RNF150: variants seen among roughly 807,000 people sequenced by gnomAD.
RNF150 encodes the protein ring finger protein 150.
In RNF150, 24 loss-of-function variants were observed where a neutral mutation model predicts 39.3. The observed-to-expected ratio is 0.61, with a 90% CI of 0.44 to 0.86. The LOEUF (loss-of-function observed/expected upper bound fraction) is 0.86. Among genes scored for constraint, RNF150 ranks in the 40% least tolerant of loss-of-function variants. The pLI, the probability that RNF150 is intolerant of heterozygous loss-of-function variation, is 0.00. For synonymous variants in RNF150, 255 were observed against 227.3 expected (o/e 1.12, Z -1.10); for missense variants, 502 against 587.8 (o/e 0.85, Z 1.51).
At chr4:141,023,496 C>T in intron 1 of RNF150, among the ~76,000 whole-genome samples, 1 of 152,118 alleles carries the variant, frequency 6.6e-6, no homozygotes, top group South Asian at 2.1e-4. Context: ...TCAAGTGATC[C>T]ATCCTCCTTA....
intron 1 of RNF150, among the ~76,000 whole-genome samples, chr4:140,978,672 T>C (rs1490914441): frequency 6.6e-6 from 1 of 152,142 alleles, no homozygotes; most frequent in African/African-American, 2.4e-5. Context: ...TACAGAATTA[T>C]TTATGAATTT....
intron 6 of RNF150, among the ~76,000 whole-genome samples, chr4:140,886,197 A>AG (rs1729569743): frequency 6.6e-6 from 1 of 151,666 alleles, no homozygotes; most frequent in Admixed American, 6.6e-5. Flanking sequence ...TCACAAAAAA[A>AG]AAAAAAAAAA....
intron 1 of RNF150, among the ~76,000 whole-genome samples, chr4:141,126,987 C>T (rs1252847567): frequency 6.6e-6 from 1 of 152,182 alleles, no homozygotes; most frequent in Admixed American, 6.5e-5. Flanking sequence ...CATCTGTTAA[C>T]ATACTCTGAA....
At chr4:141,005,103 G>T (rs1421961937) in intron 1 of RNF150, among the ~76,000 whole-genome samples, 1 of 152,176 alleles carries the variant, frequency 6.6e-6, no homozygotes, top group Non-Finnish European at 1.5e-5. Context: ...TTGTTGTCAA[G>T]TATGACCCCA....
rs145360645 is a variant in RNF150, at chr4:141,180,927, T to C, written c.-6+31867A>G. ...TTTATTTATATAGATAAAGCAAGAT[T>C]CAGTAATTTCATAATTTGGGATATT... On this transcript the variant is annotated intron_variant, in intron 1 of 7. Transcript: ENST00000420921. Among the ~76,000 whole-genome samples, 17 of 152,298 alleles carry C rather than the reference T, an allele frequency of 1.1e-4. No homozygotes were observed. The East Asian group carries it at 2.1e-3, about 19-fold the overall frequency.
At chr4:141,033,761 G>A (rs371789723) in intron 1 of RNF150, among the ~76,000 whole-genome samples, 13 of 152,268 alleles carry the variant, frequency 8.5e-5, no homozygotes, top group African/African-American at 1.2e-4. Context: ...GTAACCAGGC[G>A]CATTGTCAAT....
intron 4 of RNF150, among the ~76,000 whole-genome samples, chr4:140,926,352 TC>T (rs1285835952): frequency 6.6e-6 from 1 of 152,228 alleles, no homozygotes; most frequent in Non-Finnish European, 1.5e-5. Flanking sequence ...TTTTTCTTTT[TC>T]TCAATAGGAA....
chr4:141,160,540 T>C (rs1727491993), intron 1 of RNF150, among the ~76,000 whole-genome samples: 1 of 152,206 alleles, frequency 6.6e-6, no homozygotes, highest in Non-Finnish European at 1.5e-5. Flanking sequence ...ATCAATGATA[T>C]GGTTTGGATC....
chr4:141,089,422 G>T lies in RNF150; in HGVS notation c.484+42903C>A, dbSNP rs544857733. 7.2e-5 allele frequency among the ~76,000 whole-genome samples: 11 copies of T among 152,246 alleles called. No homozygotes were observed. In the East Asian group the frequency reaches 9.7e-4, roughly 13 times the overall value. On this transcript the variant is annotated intron_variant, in intron 1 of 6. Coordinates refer to ENST00000515673, the MANE Select transcript of RNF150 (RefSeq NM_020724.2). Reference sequence around the variant, plus strand: ...ATTCCCAGCCAACTGGGGGGAGGGGGAAGAATCCTGAGCAAGAAAGACGGT... The same window carrying T: ...ATTCCCAGCCAACTGGGGGGAGGGGTAAGAATCCTGAGCAAGAAAGACGGT...
rs572535636 is a variant in RNF150 at position 140,993,593 on chromosome 4, C to T, written c.485-25720G>A. On this transcript the variant is annotated intron_variant, in intron 1 of 6. Transcript: ENST00000515673. Reference sequence around the variant, plus strand: ...GTCTTCCCTGATCATAGTGAAGGCCCCCGGCATGGCCAGCTGTTTATATGG... The same window carrying T: ...GTCTTCCCTGATCATAGTGAAGGCCTCCGGCATGGCCAGCTGTTTATATGG... 2.2e-4 allele frequency among the ~76,000 whole-genome samples: 33 copies of T among 152,274 alleles called. No individual in the cohort carries two copies. The South Asian group carries it at 6.8e-3, about 32-fold the overall frequency.
chr4:140,911,444 A>AAATT, intron 5 of RNF150, 90 bp from the exon 6 acceptor site: 3 of 1,106,624 alleles, frequency 2.7e-6, no homozygotes, highest in Non-Finnish European at 3.8e-6. Flanking sequence ...CTCCATGAAA[A>AAATT]AATTAAGTTC....
chr4:140,925,554 C>T (rs1481782515), intron 5 of RNF150, among the ~76,000 whole-genome samples: 1 of 152,062 alleles, frequency 6.6e-6, no homozygotes, highest in Non-Finnish European at 1.5e-5. Flanking sequence ...GGGAGGTGCT[C>T]GCTCCCTCTG....
intron 4 of RNF150, among the ~76,000 whole-genome samples, chr4:140,935,150 T>C (rs1731815374): frequency 6.9e-6 from 1 of 145,226 alleles, no homozygotes; most frequent in Non-Finnish European, 1.5e-5. Flanking sequence ...CAGCTCTGCA[T>C]TGCGTTAGAT....
intron 1 of RNF150, among the ~76,000 whole-genome samples, chr4:141,021,483 G>T (rs1308497653): frequency 6.6e-6 from 1 of 152,166 alleles, no homozygotes. Flanking sequence ...AATCTAAGGG[G>T]TCAGAAGGTA....
chr4:140,917,908 C>G lies in RNF150; in HGVS notation c.988-6554G>C, dbSNP rs538039963. On this transcript the variant is annotated intron_variant, in intron 5 of 6. Coordinates refer to ENST00000515673, the MANE Select transcript of RNF150 (RefSeq NM_020724.2). ...AAACTCACTCAAAACCGCTCCACTA[C>G]ATGGAAACTGAACAACCTGCTCCTG... 1.6e-3 allele frequency among the ~76,000 whole-genome samples: 251 copies of G among 152,138 alleles called. 1 individual carries two copies. Among genetic ancestry groups the G allele is most frequent in the African/African-American group, 5.8e-3 (242 of 41,488 alleles).
intron 1 of RNF150, among the ~76,000 whole-genome samples, chr4:141,119,365 T>C (rs1401989423): frequency 6.6e-6 from 1 of 152,188 alleles, no homozygotes; most frequent in Non-Finnish European, 1.5e-5. Context: ...TCTAGACAGG[T>C]AGGATTTACC....
chr4:141,206,086 T>C (rs1241636176), intron 1 of RNF150, among the ~76,000 whole-genome samples: 1 of 152,156 alleles, frequency 6.6e-6, no homozygotes. Context: ...CTCTTTGCAC[T>C]GGCAGTTCCT....
chr4:140,927,387 G>A (rs1006581203), intron 4 of RNF150, among the ~76,000 whole-genome samples: 35 of 152,138 alleles, frequency 2.3e-4, no homozygotes, highest in African/African-American at 8.5e-4. Flanking sequence ...CTGGTGGGAG[G>A]TGATTGGATC....
chr4:141,024,060 C>G (rs1560694346), intron 1 of RNF150, among the ~76,000 whole-genome samples: 1 of 152,070 alleles, frequency 6.6e-6, no homozygotes, highest in Non-Finnish European at 1.5e-5. Flanking sequence ...AAACTAAAAA[C>G]TGAATGAGGC....
Sources: allele counts gnomAD v4.1 joint callset (sites outside exome capture counted in the v4.1 genomes callset), GRCh38; gene constraint gnomAD v4.1.1; transcripts MANE v1.5; gene names NCBI Gene and HGNC (gene_info 2026-07-23, HGNC 2026-07-21).